UNC79: variants seen among roughly 807,000 people sequenced by gnomAD.
The protein encoded by UNC79 is protein unc-79 homolog.
Under a neutral mutation model 283.1 loss-of-function variants are expected in UNC79, and 37 were observed. That is an observed-to-expected ratio of 0.13 (90% confidence interval 0.10 to 0.17). The LOEUF is 0.17. UNC79 is among the 10% of genes least tolerant of loss of function. The pLI is 1.00. For missense variants in UNC79, 2,272 were observed against 3,211.1 expected (o/e 0.71, Z 7.07); for synonymous variants, 1,107 against 1,200.2 (o/e 0.92, Z 1.61).
At chr14:93,673,538 T>C in intron 41 of UNC79, 83 bp downstream of exon 44, 2 of 1,036,450 alleles carry the variant, frequency 1.9e-6, no homozygotes, top group African/African-American at 3.2e-5. Flanking sequence ...AGTGTATGCA[T>C]AGAACTAAAT....
At chr14:93,502,626 C>CA (rs1378575332) in intron 7 of UNC79, among the ~76,000 whole-genome samples, 1 of 152,114 alleles carries the variant, frequency 6.6e-6, no homozygotes, top group Non-Finnish European at 1.5e-5. Flanking sequence ...TACAGTGTCC[C>CA]AACTAGAAAA....
At chr14:93,350,960 A>G (rs887533433) in intron 1 of UNC79, among the ~76,000 whole-genome samples, 2 of 152,232 alleles carry the variant, frequency 1.3e-5, no homozygotes, top group Non-Finnish European at 2.9e-5. Flanking sequence ...TAAATTTTTC[A>G]ATGTAATCAG....
chr14:93,476,620 G>A (rs1018283541), intron 3 of UNC79, among the ~76,000 whole-genome samples: 12 of 152,130 alleles, frequency 7.9e-5, no homozygotes, highest in South Asian at 2.1e-4. Context: ...TTCATCTGCT[G>A]CAAAACAAAG....
At chr14:93,416,487 T>G (rs1386078258) in intron 1 of UNC79, among the ~76,000 whole-genome samples, 1 of 152,080 alleles carries the variant, frequency 6.6e-6, no homozygotes, top group East Asian at 1.9e-4. Flanking sequence ...CTGAAAAAAA[T>G]GTATATTCTG....
chr14:93,592,870 C>T (rs2064797215), intron 22 of UNC79, among the ~76,000 whole-genome samples: 1 of 152,172 alleles, frequency 6.6e-6, no homozygotes, highest in Non-Finnish European at 1.5e-5. Context: ...TCTCTGTCTT[C>T]TCCTCCTCCC....
intron 1 of UNC79, among the ~76,000 whole-genome samples, chr14:93,412,938 C>A (rs530837700): frequency 6.6e-6 from 1 of 152,020 alleles, no homozygotes; most frequent in African/African-American, 2.4e-5. Context: ...AAAAAGAAAT[C>A]GTCTTAAGGT....
intron 1 of UNC79, among the ~76,000 whole-genome samples, chr14:93,416,271 G>C (rs1426074910): frequency 6.9e-6 from 1 of 145,384 alleles, no homozygotes; most frequent in African/African-American, 2.6e-5. Flanking sequence ...CCTTCATTTC[G>C]TTATGTACCC....
intron 47 of UNC79, among the ~76,000 whole-genome samples, chr14:93,697,583 T>A (rs184278729): frequency 6.6e-6 from 1 of 152,284 alleles, no homozygotes; most frequent in Non-Finnish European, 1.5e-5. Context: ...CGAGATAAAT[T>A]TTAAAATTGG....
rs2067175726 is a variant in UNC79, at chr14:93,621,987, G to A, written c.4754G>A (p.Cys1585Tyr). The A allele has an allele frequency of 6.2e-7, 1 of 1,614,068 alleles. No individual in the cohort carries two copies. The highest frequency in any genetic ancestry group is 8.5e-7 in the Non-Finnish European group (1 of 1,180,006). The stretch of plus-strand genomic sequence containing the variant: ...GTCATACCAGAGGTTAGGTTAAACT[G>A]TATGGAGACTTTCGAGGTGAAAGTT... The change falls in exon 30 of 49, where the codon TGT becomes TAT. Residue 1585 changes from cysteine to tyrosine, a missense_variant. Coordinates refer to ENST00000555664, the Ensembl canonical transcript of UNC79. This position sits in a 1 kb window ranked among gnomAD's most constrained non-coding sequence, Gnocchi z 4.8.
chr14:93,394,427 T>C (rs2054949990), intron 1 of UNC79, among the ~76,000 whole-genome samples: 1 of 151,326 alleles, frequency 6.6e-6, no homozygotes. Context: ...TTTATTTTTT[T>C]TGAGACATAG....
At chr14:93,488,901 T>C (rs2058586424) in intron 5 of UNC79, among the ~76,000 whole-genome samples, 1 of 152,210 alleles carries the variant, frequency 6.6e-6, no homozygotes, top group African/African-American at 2.4e-5. Flanking sequence ...AGGCCCCAAC[T>C]CTGAATACCA....
chr14:93,630,611 C>A (rs2067950402), intron 30 of UNC79, among the ~76,000 whole-genome samples, 190 bp from the exon 33 acceptor site: 1 of 152,156 alleles, frequency 6.6e-6, no homozygotes, highest in Non-Finnish European at 1.5e-5. Flanking sequence ...TGCAGAATGT[C>A]ACATAGAGTC....
chr14:93,434,370 TA>T (rs1411622237), intron 1 of UNC79, among the ~76,000 whole-genome samples: 1 of 152,208 alleles, frequency 6.6e-6, no homozygotes, highest in East Asian at 1.9e-4. Context: ...GCAGAAGAGT[TA>T]AATTTTTTTT....
chr14:93,621,848 G>T lies in UNC79; in HGVS notation c.4615G>T (p.Ala1539Ser). 2 of 1,611,292 alleles carry T rather than the reference G, an allele frequency of 1.2e-6. No individual in the cohort carries two copies. Among genetic ancestry groups the T allele is most frequent in the Non-Finnish European group, 1.7e-6 (2 of 1,178,876 alleles). Residue 1539 changes from alanine to serine, a missense_variant, in exon 30 of 49, where the codon GCA becomes TCA. By Grantham distance (99) the Ala-to-Ser change is moderately conservative. This residue lies in a region of UNC79 where 580 missense variants were observed against 632.2 expected (regional missense o/e 0.92). Coordinates refer to ENST00000555664, the Ensembl canonical transcript of UNC79. This position sits in a 1 kb window ranked among gnomAD's most constrained non-coding sequence, Gnocchi z 4.8. ...GCCTCCGACCCAAGCTGCGTATATC[G>T]CACAAAGACCAAACGACCCTGGACG...
At chr14:93,583,855 G>C (rs2141811115) in intron 20 of UNC79, among the ~76,000 whole-genome samples, 1 of 150,022 alleles carries the variant, frequency 6.7e-6, no homozygotes, top group South Asian at 2.1e-4. Context: ...ATCCAGGCTG[G>C]AGTGCAGGAG....
At chr14:93,659,701 A>G (rs1415257173) in intron 39 of UNC79, among the ~76,000 whole-genome samples, 1 of 152,108 alleles carries the variant, frequency 6.6e-6, no homozygotes, top group Non-Finnish European at 1.5e-5. Flanking sequence ...CCTTCCTCCT[A>G]TGCACTTTCA....
intron 25 of UNC79, among the ~76,000 whole-genome samples, chr14:93,600,973 T>C (rs1423498325): frequency 6.6e-6 from 1 of 152,214 alleles, no homozygotes; most frequent in Non-Finnish European, 1.5e-5. Context: ...ATCAGAATTC[T>C]TTTCATTTCC....
intron 32 of UNC79, among the ~76,000 whole-genome samples, chr14:93,639,970 A>T (rs1236147965): frequency 6.6e-6 from 1 of 152,214 alleles, no homozygotes; most frequent in East Asian, 1.9e-4. Context: ...TTGATGAGAA[A>T]GATTATTTAA....
intron 42 of UNC79, among the ~76,000 whole-genome samples, chr14:93,683,614 A>C (rs951463353): frequency 2.6e-5 from 4 of 152,184 alleles, no homozygotes; most frequent in African/African-American, 7.2e-5. Context: ...ATAGCTAAAA[A>C]AATAATGTCC....
Sources: gnomAD v4.1 joint callset for allele counts (sites outside exome capture counted in the v4.1 genomes callset) on GRCh38, gnomAD v4.1.1 for gene constraint, gnomAD v4.1.1 regional missense constraint, Gnocchi (gnomAD v3.1) non-coding constraint, MANE v1.5 for transcripts, NCBI Gene and HGNC (gene_info 2026-07-23, HGNC 2026-07-21) for gene names.